Variants in GATA4 observed in about 807,000 individuals in gnomAD.
GATA4 encodes the protein GATA binding protein 4.
Under a neutral mutation model 37.9 loss-of-function variants are expected in GATA4, and 7 were observed. That is an observed-to-expected ratio of 0.18 (90% CI 0.11 to 0.35). GATA4 has a LOEUF of 0.35. Among genes scored for constraint, GATA4 ranks in the 10% least tolerant of loss-of-function variants. The pLI is 1.00. For synonymous variants in GATA4, 372 were observed against 292.6 expected, an observed-to-expected ratio of 1.27 and a Z score of -2.77; for missense variants, 647 against 653.0, an observed-to-expected ratio of 0.99 and a Z score of 0.10.
chr8:11,702,476 C>A (rs371415436), upstream of GATA4, among the ~76,000 whole-genome samples: 5 of 151,720 alleles, frequency 3.3e-5, no homozygotes, highest in African/African-American at 9.7e-5. This position sits in a 1 kb window ranked among gnomAD's most constrained non-coding sequence, Gnocchi z 4.4. Flanking sequence ...GCTCGCCCCC[C>A]ACGAAGATGA....
chr8:11,751,460 G>A (rs1802298973), intron 4 of GATA4, among the ~76,000 whole-genome samples: 1 of 152,150 alleles, frequency 6.6e-6, no homozygotes, highest in South Asian at 2.1e-4. Context: ...GAAAAACTGG[G>A]GTCCTGGGGA....
upstream of GATA4, chr8:11,692,092 G>A (rs1322631608): frequency 2.0e-6 from 2 of 978,304 alleles, no homozygotes; most frequent in Non-Finnish European, 2.4e-6. Flanking sequence ...AAGGGAAGGT[G>A]ACAGGTGAGG....
intron 1 of GATA4, among the ~76,000 whole-genome samples, chr8:11,696,382 G>A (rs1799509650): frequency 6.6e-6 from 1 of 151,776 alleles, no homozygotes; most frequent in Non-Finnish European, 1.5e-5. Flanking sequence ...ATCATCTTTT[G>A]AATATTCTTT....
intron 1 of GATA4, chr8:11,681,506 G>GAT (rs1798972599): frequency 4.3e-6 from 4 of 937,592 alleles, no homozygotes; most frequent in Admixed American, 6.3e-5. Flanking sequence ...GGGGGGGGGG[G>GAT]GGATGGGGTC....
chr8:11,738,376 C>T (rs778395601), intron 2 of GATA4, among the ~76,000 whole-genome samples: 1 of 151,926 alleles, frequency 6.6e-6, no homozygotes, highest in Non-Finnish European at 1.5e-5. Flanking sequence ...ATAAACAAAT[C>T]CATGTATAGA....
chr8:11,710,820 C>T (rs1759214758), intron 2 of GATA4, among the ~76,000 whole-genome samples: 1 of 151,936 alleles, frequency 6.6e-6, no homozygotes, highest in Non-Finnish European at 1.5e-5. Flanking sequence ...TTACATCCAG[C>T]AGTGTAAAAA....
At chr8:11,720,523 G>C (rs1162307283) in intron 2 of GATA4, among the ~76,000 whole-genome samples, 1 of 152,122 alleles carries the variant, frequency 6.6e-6, no homozygotes, top group Non-Finnish European at 1.5e-5. Context: ...ACGGGGATTT[G>C]TTTTACAGAT....
chr8:11,702,268 G>A (rs1368267883), upstream of GATA4, among the ~76,000 whole-genome samples: 1 of 152,130 alleles, frequency 6.6e-6, no homozygotes, highest in Non-Finnish European at 1.5e-5. This position sits in a 1 kb window ranked among gnomAD's most constrained non-coding sequence, Gnocchi z 4.4. Context: ...TCACTGCCCG[G>A]TCCAGACTCA....
At chr8:11,703,320 G>C (rs983316421), upstream of GATA4, among the ~76,000 whole-genome samples, 4 of 152,174 alleles carry the variant, frequency 2.6e-5, no homozygotes, top group African/African-American at 9.6e-5. Flanking sequence ...ACCTGTCTGA[G>C]GGACTCTCCG....
intron 2 of GATA4, among the ~76,000 whole-genome samples, chr8:11,743,612 T>C (rs1489543731): frequency 6.6e-6 from 1 of 152,244 alleles, no homozygotes; most frequent in Non-Finnish European, 1.5e-5. Context: ...CTTCCTCCCG[T>C]GCCTTCCCTC....
chr8:11,705,665 C>T (rs1799860564), intron 1 of GATA4, among the ~76,000 whole-genome samples: 1 of 152,168 alleles, frequency 6.6e-6, no homozygotes, highest in Admixed American at 6.5e-5. Flanking sequence ...CAGCCAGAGG[C>T]GTTTTCCAAG....
At chr8:11,733,679 A>G (rs1357530916) in intron 2 of GATA4, among the ~76,000 whole-genome samples, 1 of 152,254 alleles carries the variant, frequency 6.6e-6, no homozygotes, top group Non-Finnish European at 1.5e-5. Flanking sequence ...TGATATGGAA[A>G]AATGTCTAAA....
At chr8:11,755,638 C>A (rs984325947) in intron 5 of GATA4, among the ~76,000 whole-genome samples, 8 of 152,172 alleles carry the variant, frequency 5.3e-5, no homozygotes, top group Admixed American at 1.3e-4. Flanking sequence ...GAAAGTAAGA[C>A]TCCATGAGAA....
At chr8:11,681,325 C>G (rs1011991222) in intron 1 of GATA4, 13 of 985,430 alleles carry the variant, frequency 1.3e-5, no homozygotes, top group Non-Finnish European at 1.6e-5. Flanking sequence ...ACTTCTCGAC[C>G]TGCGCCCCAA....
At position 11,681,500 on chromosome 8, in the gene GATA4, G is replaced by C. The variant is rs867944042; in HGVS notation, c.-274+4437G>C. ...GCGGGGTGCGGCGCTCGCGGGGGGGGGGGGGGGGATGGGGTCGGTCCCTCT... is the reference window on the plus strand; with the variant it reads ...GCGGGGTGCGGCGCTCGCGGGGGGGCGGGGGGGGATGGGGTCGGTCCCTCT... On this transcript the variant is annotated intron_variant, in intron 1 of 6. Coordinates refer to the GATA4 transcript ENST00000528712. 7.5e-5 allele frequency: 69 copies of C among 915,878 alleles called. 2 individuals are homozygous for C. In the South Asian group the frequency reaches 1.5e-3, roughly 20 times the overall value. 56.7% of individuals were successfully genotyped at this position (915,878 alleles called of 1,614,324 possible).
At chr8:11,686,656 T>C (rs1281360009) in intron 1 of GATA4, among the ~76,000 whole-genome samples, 1 of 152,196 alleles carries the variant, frequency 6.6e-6, no homozygotes, top group African/African-American at 2.4e-5. Context: ...TGAAGGATGA[T>C]TCTTGCAGGG....
chr8:11,754,965 C>A, intron 4 of GATA4, 81 bp from the exon 5 acceptor site: 2 of 1,123,904 alleles, frequency 1.8e-6, no homozygotes, highest in Non-Finnish European at 1.3e-6. Flanking sequence ...GTTGCCTTCT[C>A]GCAGCAGGTG....
chr8:11,752,411 C>T (rs1291999815), intron 4 of GATA4, among the ~76,000 whole-genome samples: 1 of 151,986 alleles, frequency 6.6e-6, no homozygotes, highest in East Asian at 1.9e-4. Context: ...GCACGTCTTA[C>T]ATGGCAGCAG....
intron 4 of GATA4, 111 bp from the exon 5 acceptor site, chr8:11,754,935 T>G (rs1352321774): frequency 3.7e-6 from 3 of 808,584 alleles, no homozygotes; most frequent in African/African-American, 3.4e-5. Context: ...CCCCAGGCTT[T>G]GTGGAGAGAT....
Sources: allele counts gnomAD v4.1 joint callset (sites outside exome capture counted in the v4.1 genomes callset), GRCh38; gene constraint gnomAD v4.1.1; non-coding constraint Gnocchi (gnomAD v3.1); transcripts MANE v1.5; gene names NCBI Gene and HGNC (gene_info 2026-07-23, HGNC 2026-07-21).